EML4: variants seen among roughly 807,000 people sequenced by gnomAD.
EML4 encodes the protein EMAP like 4.
EML4 carries 72 observed loss-of-function variants against 129.0 expected under a neutral mutation model. That is an observed-to-expected ratio of 0.56 (90% CI 0.46 to 0.68). The LOEUF (loss-of-function observed/expected upper bound fraction) is 0.68, where lower values mean the gene tolerates loss of function less well. EML4 is among the 30% of genes least tolerant of loss of function. The pLI is 0.00. For missense variants in EML4, 1,363 were observed against 1,190.6 expected, an observed-to-expected ratio of 1.14 and a Z score of -2.13; for synonymous variants, 532 against 405.0, an observed-to-expected ratio of 1.31 and a Z score of -3.77.
At chr2:42,235,920 G>C (rs1344686684) in intron 1 of EML4, among the ~76,000 whole-genome samples, 2 of 152,108 alleles carry the variant, frequency 1.3e-5, no homozygotes, top group East Asian at 3.9e-4. Flanking sequence ...GAATAAATCA[G>C]TTATGTAGAC....
At chr2:42,243,394 G>C (rs1053582799) in intron 1 of EML4, among the ~76,000 whole-genome samples, 1 of 149,894 alleles carries the variant, frequency 6.7e-6, no homozygotes. Flanking sequence ...TAAGGCGAGA[G>C]ACTGAATTGT....
chr2:42,304,104 C>T (rs1033167330), intron 16 of EML4, among the ~76,000 whole-genome samples: 4 of 152,174 alleles, frequency 2.6e-5, no homozygotes, highest in African/African-American at 7.2e-5. Flanking sequence ...ACAGGCTCTA[C>T]TGTCTTCTTT....
In EML4 at chr2:42,329,030, A is replaced by G; in HGVS notation, c.2472+14A>G. On this transcript the variant is annotated intron_variant, in intron 22 of 22. Transcript: ENST00000318522. ...TCCAAAGCAAAGGTAAACTCACTTT[A>G]ATAGAAACTAATGTTATAAGGCCTT... The G allele has an allele frequency of 6.2e-7, 1 of 1,606,892 alleles. No individual in the cohort carries two copies. Among genetic ancestry groups the G allele is most frequent in the Non-Finnish European group, 8.5e-7 (1 of 1,177,386 alleles).
At chr2:42,329,044 T>G (rs980689554) in intron 22 of EML4, 28 bp downstream of exon 22, 1 of 1,597,358 alleles carries the variant, frequency 6.3e-7, no homozygotes, top group South Asian at 1.1e-5. Flanking sequence ...GAAACTAATG[T>G]TATAAGGCCT....
intron 1 of EML4, among the ~76,000 whole-genome samples, chr2:42,189,011 A>C (rs991438866): frequency 6.6e-6 from 1 of 152,086 alleles, no homozygotes; most frequent in Non-Finnish European, 1.5e-5. Context: ...CAGTTATCCC[A>C]CTTACAGCTT....
chr2:42,315,481 T>C (rs1669196093), intron 17 of EML4, among the ~76,000 whole-genome samples: 1 of 152,334 alleles, frequency 6.6e-6, no homozygotes, highest in East Asian at 1.9e-4. Flanking sequence ...TATTTATGTA[T>C]ATTTTATCTA....
In EML4 at chr2:42,295,533, T is replaced by A. The variant is rs772371213; in HGVS notation, c.1489+17T>A. ...GACCTAAAGGTACAGTATTCTTATA[T>A]TAAACTCATTTCTGGTAATTCTCAC... On this transcript the variant is annotated intron_variant, in intron 13 of 22. Transcript: ENST00000318522. 6.2e-7 allele frequency: 1 copy of A among 1,603,904 alleles called. No individual in the cohort carries two copies. Among genetic ancestry groups the A allele is most frequent in the Non-Finnish European group, 8.5e-7 (1 of 1,176,566 alleles).
intron 1 of EML4, among the ~76,000 whole-genome samples, chr2:42,189,495 G>A (rs903920690): frequency 2.0e-5 from 3 of 152,222 alleles, no homozygotes; most frequent in Admixed American, 6.5e-5. Flanking sequence ...CGAGAGGATT[G>A]CATGAGACCA....
intron 19 of EML4, among the ~76,000 whole-genome samples, chr2:42,323,808 G>T (rs1377832692): frequency 3.0e-4 from 46 of 151,310 alleles, no homozygotes; most frequent in Admixed American, 3.0e-3. Flanking sequence ...GCGGGGCGTG[G>T]TGATGCGCAC....
At chr2:42,191,192 C>A (rs987862501) in intron 1 of EML4, among the ~76,000 whole-genome samples, 1 of 152,020 alleles carries the variant, frequency 6.6e-6, no homozygotes, top group African/African-American at 2.4e-5. Context: ...CTTAGAATAA[C>A]CATGGGAAGT....
In EML4 at chr2:42,236,697, G is replaced by A. The variant is rs531098493; in HGVS notation, c.26-8808G>A. 3.7e-4 allele frequency among the ~76,000 whole-genome samples: 57 copies of A among 152,268 alleles called. 1 individual carries two copies. The highest frequency in any genetic ancestry group is 2.9e-3 in the Admixed American group (44 of 15,296). ...CAGTGGAATTGCTGGGTCATAGGAT[G>A]TGTGTGTCTTCAGTTTTACTAGATA... On this transcript the variant is annotated intron_variant, in intron 1 of 22. Transcript: ENST00000318522.
intron 17 of EML4, among the ~76,000 whole-genome samples, chr2:42,307,855 A>G (rs1668697241): frequency 6.6e-6 from 1 of 152,152 alleles, no homozygotes; most frequent in Non-Finnish European, 1.5e-5. Context: ...GGGTTTCGCC[A>G]TGTTGGCCAG....
intron 6 of EML4, among the ~76,000 whole-genome samples, chr2:42,274,619 A>G (rs1666554395): frequency 6.6e-6 from 1 of 152,184 alleles, no homozygotes; most frequent in Admixed American, 6.5e-5. Flanking sequence ...TAAGGATCTT[A>G]AATTACTTTA....
intron 1 of EML4, among the ~76,000 whole-genome samples, chr2:42,234,663 A>T (rs533057723): frequency 1.3e-5 from 2 of 152,234 alleles, no homozygotes; most frequent in African/African-American, 4.8e-5. Flanking sequence ...TTTATAAACA[A>T]ATATATTCCT....
intron 6 of EML4, among the ~76,000 whole-genome samples, chr2:42,278,534 A>C (rs2104451057): frequency 7.4e-6 from 1 of 135,140 alleles, no homozygotes; most frequent in East Asian, 2.4e-4. Context: ...AGCTCATGCG[A>C]CTGCACTCCA....
At chr2:42,281,397 G>GA (rs60523483) in intron 7 of EML4, among the ~76,000 whole-genome samples, 42,534 of 111,860 alleles carry the variant, frequency 0.38, 6,500 homozygotes, top group African/African-American at 0.49. Flanking sequence ...TGTCTCAAAA[G>GA]AAAAAAAAAA....
At chr2:42,171,059 T>A (rs1344520580) in intron 1 of EML4, among the ~76,000 whole-genome samples, 2 of 152,230 alleles carry the variant, frequency 1.3e-5, no homozygotes, top group African/African-American at 2.4e-5. Context: ...TACTCTTTCC[T>A]CCTCAAAGGC....
chr2:42,171,162 T>C (rs953163305), intron 1 of EML4, among the ~76,000 whole-genome samples: 4 of 152,236 alleles, frequency 2.6e-5, no homozygotes, highest in African/African-American at 9.6e-5. Context: ...CCTGGTTCTT[T>C]TTTAGCTCCA....
intron 1 of EML4, among the ~76,000 whole-genome samples, chr2:42,208,775 CAG>C (rs1481214245): frequency 6.9e-6 from 1 of 145,478 alleles, no homozygotes; most frequent in African/African-American, 2.6e-5. Flanking sequence ...TTTTTTGAGA[CAG>C]GGTCTCGTTC....
Sources: gnomAD v4.1 joint callset for allele counts (sites outside exome capture counted in the v4.1 genomes callset) on GRCh38, gnomAD v4.1.1 for gene constraint, MANE v1.5 for transcripts, NCBI Gene and HGNC (gene_info 2026-07-23, HGNC 2026-07-21) for gene names.